The following COL22A1 variants were observed in gnomAD, a reference collection of about 807,000 sequenced individuals.
COL22A1 encodes the protein collagen type XXII alpha 1 chain, also known as collagen alpha-1(XXII) chain.
Under a neutral mutation model 248.9 loss-of-function variants are expected in COL22A1, and 221 were observed. The ratio of observed to expected loss-of-function variants is 0.89; its 90% CI spans 0.80 to 0.99. The LOEUF (loss-of-function observed/expected upper bound fraction) is 0.99, where lower values mean the gene tolerates loss of function less well. COL22A1 is among the 50% of genes least tolerant of loss of function. The pLI is 0.00. For missense variants in COL22A1, 2,240 were observed against 2,179.0 expected, an observed-to-expected ratio of 1.03 and a Z score of -0.56; for synonymous variants, 891 against 793.4, an observed-to-expected ratio of 1.12 and a Z score of -2.07.
chr8:138,876,632 C>T (rs565669463), intron 3 of COL22A1, among the ~76,000 whole-genome samples: 1 of 152,342 alleles, frequency 6.6e-6, no homozygotes, highest in Admixed American at 6.5e-5. Flanking sequence ...AATGGTTTAG[C>T]TGTTTTCTCA....
At chr8:138,715,894 G>A (rs1454611608) in intron 29 of COL22A1, among the ~76,000 whole-genome samples, 159 bp from the exon 30 acceptor site, 3 of 152,108 alleles carry the variant, frequency 2.0e-5, no homozygotes, top group East Asian at 3.9e-4. Flanking sequence ...ACAGTGAAGT[G>A]TAACTCAGAG....
intron 15 of COL22A1, among the ~76,000 whole-genome samples, chr8:138,777,651 G>A (rs535822427): frequency 1.3e-5 from 2 of 152,214 alleles, no homozygotes; most frequent in East Asian, 3.9e-4. Context: ...AGTTTGCTGA[G>A]GATGATGGTT....
rs553469636 is a variant in COL22A1 at position 138,841,276 on chromosome 8, G to A, written c.733+2808C>T. On this transcript the variant is annotated intron_variant, in intron 4 of 64. Coordinates refer to ENST00000303045, the MANE Select transcript of COL22A1 (RefSeq NM_152888.3). ...TTAAGACACAAAGAATAAAGCCCAA[G>A]TATAAACAAGTCCTGCTCTCAAACA... Among the ~76,000 whole-genome samples, 3 of 152,208 alleles carry A rather than the reference G, an allele frequency of 2.0e-5. No homozygotes were observed. The South Asian group carries it at 6.2e-4, about 31-fold the overall frequency.
Position 138,878,317 on chromosome 8 carries a change from C to G in COL22A1, c.92-1G>C. ...AGATCGTAGTGGACACTTTTGCAAC[C>G]TGCAGGGGTGAGAGAAGGGGTGGCG... is the stretch of plus-strand genomic sequence containing the variant. On this transcript the variant is annotated splice_acceptor_variant, in intron 2 of 64. Coordinates refer to ENST00000303045, the MANE Select transcript of COL22A1 (RefSeq NM_152888.3). LOFTEE classifies it high-confidence loss of function. The G allele has an allele frequency of 6.5e-7, 1 of 1,532,024 alleles. No individual in the cohort carries two copies. Among genetic ancestry groups the G allele is most frequent in the Non-Finnish European group, 8.8e-7 (1 of 1,135,746 alleles). The allele number at this position is 1,532,024 out of a possible 1,614,324, so 94.9% of individuals were successfully genotyped here.
chr8:138,694,193 G>T (rs570640206), intron 34 of COL22A1, among the ~76,000 whole-genome samples: 1 of 152,334 alleles, frequency 6.6e-6, no homozygotes, highest in East Asian at 1.9e-4. Flanking sequence ...CCCCCTATGT[G>T]CAGAGGCCCT....
intron 27 of COL22A1, 99 bp downstream of exon 27, chr8:138,720,640 T>C (rs1829800412): frequency 7.1e-6 from 7 of 985,880 alleles, no homozygotes; most frequent in African/African-American, 1.6e-5. Flanking sequence ...TCCCAGCTGA[T>C]ATAGACGCTA....
intron 35 of COL22A1, among the ~76,000 whole-genome samples, chr8:138,692,308 ATGTG>A (rs1234821057): frequency 3.6e-4 from 1 of 2,760 alleles, no homozygotes; most frequent in Non-Finnish European, 7.0e-4. Flanking sequence ...GCGGAGGTGT[ATGTG>A]TGTGCATGCG....
At chr8:138,609,303 A>T (rs79029306) in intron 56 of COL22A1, among the ~76,000 whole-genome samples, 1 of 152,228 alleles carries the variant, frequency 6.6e-6, no homozygotes, top group Admixed American at 6.5e-5. Flanking sequence ...GGCAGCACTG[A>T]TTCCATCTCA....
chr8:138,593,137 T>C (rs1376747280), intron 63 of COL22A1, among the ~76,000 whole-genome samples: 1 of 152,134 alleles, frequency 6.6e-6, no homozygotes, highest in Non-Finnish European at 1.5e-5. Context: ...AAACACGGCA[T>C]GTTCTCACTC....
chr8:138,652,698 CT>C (rs1332078928), intron 45 of COL22A1, among the ~76,000 whole-genome samples: 2 of 143,270 alleles, frequency 1.4e-5, no homozygotes, highest in East Asian at 4.1e-4. Context: ...GTCTCTACCC[CT>C]TCCTTTGGTC....
chr8:138,649,734 A>C lies in COL22A1; in HGVS notation c.3378T>G (p.Gly1126=). ...CTTTGTCCCCTTTAAAACCTGGTAG[A>C]CCAGGGAGGCCTGGGGGGCCAGGAG... ...DCPPGPPGLP[G]LPGFKGDKGV... is the part of the protein sequence containing the mutation. Residue 1126 remains glycine (G), a synonymous_variant, in exon 46 of 65, where the codon GGT becomes GGG. Coordinates refer to ENST00000303045, the MANE Select transcript of COL22A1 (RefSeq NM_152888.3). The C allele has an allele frequency of 6.2e-7, 1 of 1,610,558 alleles. No homozygotes were observed. Among genetic ancestry groups the C allele is most frequent in the Non-Finnish European group, 8.5e-7 (1 of 1,178,544 alleles).
At chr8:138,872,179 T>A (rs1176413394) in intron 3 of COL22A1, among the ~76,000 whole-genome samples, 13 of 152,130 alleles carry the variant, frequency 8.5e-5, no homozygotes, top group Admixed American at 8.5e-4. Context: ...GAAGCCTCCC[T>A]CTACTCCCAC....
At chr8:138,774,414 TC>T (rs1287286137) in intron 16 of COL22A1, among the ~76,000 whole-genome samples, 1 of 148,660 alleles carries the variant, frequency 6.7e-6, no homozygotes, top group Non-Finnish European at 1.5e-5. Flanking sequence ...CCAAAAGCAT[TC>T]TTTTTTTTTT....
chr8:138,592,245 T>C (rs1817133517), intron 63 of COL22A1, among the ~76,000 whole-genome samples: 1 of 152,220 alleles, frequency 6.6e-6, no homozygotes, highest in African/African-American at 2.4e-5. Context: ...GAGATCATAT[T>C]TGAATGAAGA....
chr8:138,829,211 G>T (rs1168345870), intron 5 of COL22A1, among the ~76,000 whole-genome samples: 4 of 152,158 alleles, frequency 2.6e-5, no homozygotes, highest in Admixed American at 2.6e-4. Context: ...CATCCAGGTA[G>T]TAGGAACAGG....
At chr8:138,601,150 C>T (rs747508659) in intron 60 of COL22A1, among the ~76,000 whole-genome samples, 12 of 151,642 alleles carry the variant, frequency 7.9e-5, no homozygotes, top group Admixed American at 3.9e-4. Context: ...GTAGCTCCCA[C>T]GGCTGCCTGA....
intron 26 of COL22A1, 42 bp downstream of exon 26, chr8:138,721,994 T>C: frequency 6.7e-7 from 1 of 1,494,458 alleles, no homozygotes; most frequent in Non-Finnish European, 9.2e-7. Flanking sequence ...AGTTTCTGTG[T>C]TTTGGGTTCC....
chr8:138,672,600 A>G lies in COL22A1; in HGVS notation c.3150+3958T>C, dbSNP rs367904045. On this transcript the variant is annotated intron_variant, in intron 41 of 64. Coordinates refer to ENST00000303045, the MANE Select transcript of COL22A1 (RefSeq NM_152888.3). ...CCTGGACCAACTGATGTAAGGCATC[A>G]GTACAACTAATTCCAGGGAGGGACA... Among the ~76,000 whole-genome samples, 239 of 152,332 alleles carry G rather than the reference A, an allele frequency of 1.6e-3. 2 individuals carry two copies. In the South Asian group the frequency reaches 0.019, roughly 12 times the overall value.
At chr8:138,699,539 A>T (rs1193135640) in intron 32 of COL22A1, among the ~76,000 whole-genome samples, 3 of 152,214 alleles carry the variant, frequency 2.0e-5, no homozygotes, top group African/African-American at 7.2e-5. Context: ...CATTCGTGAA[A>T]AGAGAGGAAA....
Sources: allele counts gnomAD v4.1 joint callset (sites outside exome capture counted in the v4.1 genomes callset), GRCh38; gene constraint gnomAD v4.1.1; transcripts MANE v1.5; gene names NCBI Gene and HGNC (gene_info 2026-07-23, HGNC 2026-07-21).